The following DHRS2 variants were observed in gnomAD, a reference collection of about 807,000 sequenced individuals.
DHRS2 encodes the protein dehydrogenase/reductase SDR family member 2, mitochondrial.
DHRS2 carries 29 observed loss-of-function variants against 26.3 expected under a neutral mutation model. The ratio of observed to expected loss-of-function variants is 1.10; its 90% CI spans 0.82 to 1.50. The LOEUF is 1.50. DHRS2 is among the 40% of genes most tolerant of loss of function. DHRS2 has a pLI of 0.00. For synonymous variants in DHRS2, 164 were observed against 151.3 expected (o/e 1.08, Z -0.62); for missense variants, 439 against 367.1 (o/e 1.20, Z -1.60).
Position 23,639,295 on chromosome 14 carries a change from G to A in DHRS2, c.257G>A (p.Ser86Asn), listed in dbSNP as rs1452224413. The part of the protein sequence containing the change: ...AMAKLQGEGL[S>N]VAGIVCHVGK... ...GCCAAGCTGCAGGGGGAGGGGCTGA[G>A]TGTGGCGGGCATTGTGTGCCACGTG... Residue 86 changes from serine to asparagine, a missense_variant, in exon 3 of 9, where the codon AGT (serine) becomes AAT (asparagine). Ser to Asn is a conservative substitution (Grantham distance 46). Coordinates refer to ENST00000250383, the MANE Select transcript of DHRS2 (RefSeq NM_005794.4). 8.1e-6 allele frequency: 13 copies of A among 1,602,738 alleles called. No homozygotes were observed. Among genetic ancestry groups the A allele is most frequent in the East Asian group, 2.2e-5 (1 of 44,860 alleles).
chr14:23,632,256 G>C (rs1186583899), upstream of DHRS2, among the ~76,000 whole-genome samples: 1 of 152,188 alleles, frequency 6.6e-6, no homozygotes, highest in East Asian at 1.9e-4. Flanking sequence ...TTCCCCAGGG[G>C]GGGCATAACA....
chr14:23,642,925 A>G (rs1890726160), intron 4 of DHRS2: 1 of 493,178 alleles, frequency 2.0e-6, no homozygotes, highest in Admixed American at 3.4e-5. Context: ...TGAACAATTC[A>G]CATTTTCAGG....
At chr14:23,637,945 C>G (rs185358494) in intron 1 of DHRS2, 2 of 152,196 alleles carry the variant, frequency 1.3e-5, no homozygotes, top group African/African-American at 2.4e-5. Flanking sequence ...GCAGGCCACC[C>G]GAGCCAGCAG....
chr14:23,635,690 A>C (rs944193946), upstream of DHRS2, among the ~76,000 whole-genome samples: 9 of 152,062 alleles, frequency 5.9e-5, no homozygotes, highest in African/African-American at 2.2e-4. Context: ...CTCCACATCC[A>C]CTCTGGCTGC....
upstream of DHRS2, among the ~76,000 whole-genome samples, chr14:23,636,135 GT>G (rs1890269251): frequency 6.6e-6 from 1 of 151,906 alleles, no homozygotes; most frequent in African/African-American, 2.4e-5. Flanking sequence ...GAGAACTTTT[GT>G]GTCTAGCTAA....
intron 4 of DHRS2, 60 bp downstream of exon 4, chr14:23,639,955 C>A: frequency 7.3e-7 from 1 of 1,362,498 alleles, no homozygotes; most frequent in Non-Finnish European, 9.7e-7. Flanking sequence ...CACTGGGCTC[C>A]AGCATGCCTG....
rs777995593 is a variant in DHRS2, at chr14:23,645,241, C to T, written c.831C>T (p.Ser277=). ...NGENIAVAGY[S]TRL The stretch of plus-strand genomic sequence containing the variant: ...AGAACATTGCGGTGGCAGGCTACTC[C>T]ACTCGGCTCTGAGAGGAGTGGGGGC... Residue 277 remains serine, a synonymous_variant, in exon 9 of 9, where the codon TCC becomes TCT. Transcript: ENST00000250383. The T allele has an allele frequency of 6.8e-6, 11 of 1,614,054 alleles. No individual in the cohort carries two copies. The highest frequency in any genetic ancestry group is 3.3e-4 in the Middle Eastern group (2 of 6,084).
upstream of DHRS2, among the ~76,000 whole-genome samples, chr14:23,632,393 G>A (rs1890146123): frequency 6.6e-6 from 1 of 152,186 alleles, no homozygotes; most frequent in Non-Finnish European, 1.5e-5. Context: ...GAGAGTAAGC[G>A]AGAGCAACAG....
upstream of DHRS2, among the ~76,000 whole-genome samples, chr14:23,632,044 T>TA (rs1890134329): frequency 6.6e-6 from 1 of 152,212 alleles, no homozygotes; most frequent in South Asian, 2.1e-4. Flanking sequence ...TAAGAACTGT[T>TA]AGAGGCCAGA....
intron 4 of DHRS2, chr14:23,641,985 C>T (rs912351340): frequency 6.9e-5 from 78 of 1,131,408 alleles, no homozygotes; most frequent in African/African-American, 1.6e-4. Flanking sequence ...TCCCAGGCTC[C>T]GCCTCTGCAT....
chr14:23,639,540 C>T (rs1890536786), intron 3 of DHRS2, among the ~76,000 whole-genome samples, 184 bp downstream of exon 3: 1 of 152,118 alleles, frequency 6.6e-6, no homozygotes, highest in African/African-American at 2.4e-5. Flanking sequence ...AGAGGACCCT[C>T]ACCCCACCCC....
Position 23,645,229 on chromosome 14 carries a change from G to A in DHRS2, c.819G>A (p.Val273=). The change falls in exon 9 of 9, where the codon GTG becomes GTA. Residue 273 remains valine (V), a synonymous_variant. Coordinates refer to ENST00000250383, the MANE Select transcript of DHRS2 (RefSeq NM_005794.4). ...ACGTCAACGGGGAGAACATTGCGGT[G>A]GCAGGCTACTCCACTCGGCTCTGAG... ...ASYVNGENIA[V]AGYSTRL is the part of the protein sequence containing the mutation. The A allele has an allele frequency of 6.2e-7, 1 of 1,614,170 alleles. No homozygotes were observed. Among genetic ancestry groups the A allele is most frequent in the Non-Finnish European group, 8.5e-7 (1 of 1,180,042 alleles).
chr14:23,632,478 A>G (rs12147168), upstream of DHRS2, among the ~76,000 whole-genome samples: 2 of 152,220 alleles, frequency 1.3e-5, no homozygotes, highest in African/African-American at 4.8e-5. Flanking sequence ...TGGAAATACA[A>G]TATCAGAAGA....
Position 23,639,889 on chromosome 14 carries a change from G to A in DHRS2, c.414G>A (p.Trp138Ter), listed in dbSNP as rs770547730. 3 of 1,600,752 alleles carry A rather than the reference G, an allele frequency of 1.9e-6. No individual in the cohort carries two copies. The highest frequency in any genetic ancestry group is 1.7e-5 in the Admixed American group (1 of 58,564). The change falls in exon 4 of 9, where the codon TGG becomes TGA. Residue 138 changes from tryptophan to a stop codon, truncating the protein, a stop_gained. Coordinates refer to ENST00000250383, the MANE Select transcript of DHRS2 (RefSeq NM_005794.4). LOFTEE classifies it high-confidence loss of function. The stretch of plus-strand genomic sequence containing the variant: ...CTCTGGGGACCAGTGAGCAGATCTG[G>A]GACAAGGTGAGAGGCCTCCCCTGGG... ...GSTLGTSEQI[W>*]DKILSVNVKS...
At position 23,637,711 on chromosome 14, in the gene DHRS2, C is replaced by A. The variant is rs140477957; in HGVS notation, c.-39+939C>A. ...TAGGAGGACAAGCAAGGGTGCAGCACTCTATGTCTAGCTAATCAGGTGGGG... is the reference window on the plus strand; with the variant it reads ...TAGGAGGACAAGCAAGGGTGCAGCAATCTATGTCTAGCTAATCAGGTGGGG... On this transcript the variant is annotated intron_variant, in intron 1 of 8. Transcript: ENST00000250383. 3.1e-3 allele frequency among the ~76,000 whole-genome samples: 470 copies of A among 152,290 alleles called. 2 individuals carry two copies. The highest frequency in any genetic ancestry group is 0.011 in the African/African-American group (454 of 41,562).
At chr14:23,641,121 G>T (rs143154739) in intron 4 of DHRS2, 1 of 154,226 alleles carries the variant, frequency 6.5e-6, no homozygotes, top group Admixed American at 6.3e-5. Flanking sequence ...TTGATGACTC[G>T]TCCCCGATCA....
At chr14:23,638,059 C>T (rs569380156) in intron 1 of DHRS2, 2 of 152,426 alleles carry the variant, frequency 1.3e-5, no homozygotes, top group African/African-American at 4.8e-5. Flanking sequence ...TCCGCGCTGC[C>T]TTTAAGAGCT....
chr14:23,637,312 C>T (rs1472482005), intron 1 of DHRS2, among the ~76,000 whole-genome samples: 3 of 152,192 alleles, frequency 2.0e-5, no homozygotes, highest in Admixed American at 6.5e-5. Flanking sequence ...CTTCTTTAGG[C>T]ACCTGGGCTC....
At chr14:23,636,011 C>T (rs1042670260), upstream of DHRS2, among the ~76,000 whole-genome samples, 1 of 151,620 alleles carries the variant, frequency 6.6e-6, no homozygotes, top group African/African-American at 2.4e-5. Context: ...ACCTGGAGAA[C>T]TTTTCTGTCT....
Sources: gnomAD v4.1 joint callset for allele counts (sites outside exome capture counted in the v4.1 genomes callset) on GRCh38, gnomAD v4.1.1 for gene constraint, MANE v1.5 for transcripts, NCBI Gene and HGNC (gene_info 2026-07-23, HGNC 2026-07-21) for gene names.